The following MOB3B variants were observed in gnomAD, a reference collection of about 807,000 sequenced individuals.
The protein encoded by MOB3B is MOB kinase activator 3B, also known as MOB kinase activator-like 2B.
Under a neutral mutation model 18.7 loss-of-function variants are expected in MOB3B, and 7 were observed. The ratio of observed to expected loss-of-function variants is 0.37; its 90% confidence interval spans 0.21 to 0.70. The LOEUF is 0.70. MOB3B is among the 30% of genes least tolerant of loss of function. MOB3B has a pLI of 0.52. For missense variants in MOB3B, 253 were observed against 281.3 expected, an observed-to-expected ratio of 0.90 and a Z score of 0.72; for synonymous variants, 111 against 99.9, an observed-to-expected ratio of 1.11 and a Z score of -0.66.
chr9:27,451,911 C>T (rs2131445464), intron 2 of MOB3B, among the ~76,000 whole-genome samples: 1 of 152,270 alleles, frequency 6.6e-6, no homozygotes, highest in Non-Finnish European at 1.5e-5. Context: ...ATAATACGTT[C>T]TTCCAAAAGA....
chr9:27,381,651 T>A (rs1821578812), intron 2 of MOB3B, among the ~76,000 whole-genome samples: 1 of 152,082 alleles, frequency 6.6e-6, no homozygotes. Flanking sequence ...CCCTAGAACT[T>A]TTTTTTCGTT....
chr9:27,421,879 T>C (rs1195945306), intron 2 of MOB3B, among the ~76,000 whole-genome samples: 1 of 152,166 alleles, frequency 6.6e-6, no homozygotes, highest in African/African-American at 2.4e-5. Flanking sequence ...ATAGCACCCA[T>C]CACTCTCTAG....
rs1323508115 is a variant in MOB3B, at chr9:27,522,173, C to A, written c.-199+7382G>T. 2.4e-5 allele frequency among the ~76,000 whole-genome samples: 3 copies of A among 127,324 alleles called. No homozygotes were observed. The Admixed American group carries it at 2.9e-4, about 12-fold the overall frequency. 83.5% of individuals were successfully genotyped at this position (127,324 alleles called of 152,430 possible). ...AGGAGAATCGCTTGAACCCGGGAGG[C>A]GGAGGTTGCAGTGAGCCGAGATCGC... On this transcript the variant is annotated intron_variant, in intron 1 of 3. Transcript: ENST00000262244.
chr9:27,524,543 C>G, intron 1 of MOB3B: 1 of 1,613,992 alleles, frequency 6.2e-7, no homozygotes, highest in East Asian at 2.2e-5. Flanking sequence ...TTGAGTTGCC[C>G]CAAGAGTTTC....
chr9:27,385,377 T>C (rs2131377614), intron 2 of MOB3B, among the ~76,000 whole-genome samples: 1 of 152,228 alleles, frequency 6.6e-6, no homozygotes, highest in African/African-American at 2.4e-5. Flanking sequence ...ACAAATAAGA[T>C]AAACGGAGGA....
At chr9:27,404,022 A>G (rs1174144615) in intron 2 of MOB3B, among the ~76,000 whole-genome samples, 3 of 152,004 alleles carry the variant, frequency 2.0e-5, no homozygotes, top group Non-Finnish European at 4.4e-5. Flanking sequence ...TAACACTAGA[A>G]CTCACTCCTC....
intron 1 of MOB3B, among the ~76,000 whole-genome samples, chr9:27,501,397 C>G (rs1324760198): frequency 1.3e-5 from 2 of 152,006 alleles, no homozygotes; most frequent in African/African-American, 4.8e-5. Context: ...GTGGCACATA[C>G]ATACCATGGA....
At chr9:27,333,254 C>T (rs1433384262) in intron 3 of MOB3B, among the ~76,000 whole-genome samples, 2 of 152,008 alleles carry the variant, frequency 1.3e-5, no homozygotes, top group African/African-American at 4.8e-5. Context: ...AGATCAGAAA[C>T]ATCAGGAAAG....
At chr9:27,333,115 T>C (rs1267028479) in intron 3 of MOB3B, among the ~76,000 whole-genome samples, 2 of 152,190 alleles carry the variant, frequency 1.3e-5, no homozygotes, top group Non-Finnish European at 2.9e-5. Flanking sequence ...GGCAGAGTTT[T>C]TTTTTAAGTA....
At chr9:27,442,482 G>A (rs1345241798) in intron 2 of MOB3B, among the ~76,000 whole-genome samples, 3 of 152,262 alleles carry the variant, frequency 2.0e-5, no homozygotes, top group South Asian at 2.1e-4. Flanking sequence ...TCAGCAAAAC[G>A]TGTTTCCCAG....
At chr9:27,417,409 C>A (rs7035982) in intron 2 of MOB3B, among the ~76,000 whole-genome samples, 53,734 of 133,962 alleles carry the variant, frequency 0.4, 9,730 homozygotes, top group Non-Finnish European at 0.43. Context: ...ACAAACAAAA[C>A]GTCAAATGCC....
intron 2 of MOB3B, among the ~76,000 whole-genome samples, chr9:27,449,917 G>A (rs2131443739): frequency 6.6e-6 from 1 of 151,544 alleles, no homozygotes; most frequent in South Asian, 2.1e-4. Context: ...AGCGGAGGCT[G>A]CAGTGAGCCG....
intron 2 of MOB3B, among the ~76,000 whole-genome samples, chr9:27,441,272 C>T (rs2131433430): frequency 7.8e-6 from 1 of 128,102 alleles, no homozygotes; most frequent in Middle Eastern, 4.0e-3. Flanking sequence ...TTCACAATTT[C>T]ACAGGCAGAA....
chr9:27,350,989 G>A (rs188599989), intron 3 of MOB3B, among the ~76,000 whole-genome samples: 153 of 148,734 alleles, frequency 1.0e-3, no homozygotes, highest in African/African-American at 3.7e-3. Context: ...TGCAACCTCC[G>A]CCTCCTGGGT....
At chr9:27,343,542 G>A (rs1010021095) in intron 3 of MOB3B, among the ~76,000 whole-genome samples, 1 of 147,908 alleles carries the variant, frequency 6.8e-6, no homozygotes, top group East Asian at 2.0e-4. Flanking sequence ...GAGGAGACAA[G>A]TCCTTTTCTT....
intron 2 of MOB3B, among the ~76,000 whole-genome samples, chr9:27,388,418 C>A (rs1821676872): frequency 6.6e-6 from 1 of 152,104 alleles, no homozygotes; most frequent in Non-Finnish European, 1.5e-5. Flanking sequence ...ATTTTTAGTT[C>A]ACTCATTGAA....
At chr9:27,343,908 C>T (rs183311429) in intron 3 of MOB3B, among the ~76,000 whole-genome samples, 169 of 151,746 alleles carry the variant, frequency 1.1e-3, no homozygotes, top group African/African-American at 3.9e-3. Flanking sequence ...TCCTAAAGAC[C>T]CAATTCATAT....
At chr9:27,511,587 T>C (rs895200257) in intron 1 of MOB3B, among the ~76,000 whole-genome samples, 1 of 151,598 alleles carries the variant, frequency 6.6e-6, no homozygotes, top group African/African-American at 2.4e-5. Flanking sequence ...GGAAAGTATG[T>C]TTTTTTTAAA....
At chr9:27,519,963 G>T (rs979464478) in intron 1 of MOB3B, among the ~76,000 whole-genome samples, 16 of 152,000 alleles carry the variant, frequency 1.1e-4, no homozygotes, top group African/African-American at 3.9e-4. Flanking sequence ...TGCCCCATGG[G>T]AAGTACCGCT....
Sources: allele counts gnomAD v4.1 joint callset (sites outside exome capture counted in the v4.1 genomes callset), GRCh38; gene constraint gnomAD v4.1.1; transcripts MANE v1.5; gene names NCBI Gene and HGNC (gene_info 2026-07-23, HGNC 2026-07-21).